The following LEMD1 variants were observed in gnomAD, a reference collection of about 807,000 sequenced individuals.
LEMD1 encodes the protein LEM domain-containing protein 1.
LEMD1 carries 18 observed loss-of-function variants against 17.4 expected under a neutral mutation model. The observed-to-expected ratio is 1.04, with a 90% CI of 0.72 to 1.54. The LOEUF (loss-of-function observed/expected upper bound fraction) is 1.54. LEMD1 is among the 40% of genes most tolerant of loss of function. The pLI is 0.00. For missense variants in LEMD1, 195 were observed against 210.4 expected (o/e 0.93, Z 0.45); for synonymous variants, 88 against 77.8 (o/e 1.13, Z -0.69).
chr1:205,440,443 G>C (rs147490065), intron 1 of LEMD1, among the ~76,000 whole-genome samples: 3 of 152,186 alleles, frequency 2.0e-5, no homozygotes, highest in Non-Finnish European at 4.4e-5. Context: ...AATCCCAGGA[G>C]AGTCTCACAC....
rs536442320 is a variant in LEMD1 at position 205,406,678 on chromosome 1, C to T, written c.270+9554G>A. On this transcript the variant is annotated intron_variant, in intron 4 of 5. Coordinates refer to ENST00000367153, the MANE Select transcript of LEMD1 (RefSeq NM_001199050.2). ...GCTTCCAGAGTGAGGCAATGCCTCA[C>T]CCTGCTTTGGCTCGCACATGGTGCG... 1.2e-3 allele frequency among the ~76,000 whole-genome samples: 177 copies of T among 152,340 alleles called. 2 individuals are homozygous for T. Among genetic ancestry groups the T allele is most frequent in the Middle Eastern group, 6.8e-3 (2 of 294 alleles).
At chr1:205,401,088 G>T (rs577230391) in intron 4 of LEMD1, among the ~76,000 whole-genome samples, 331 of 151,264 alleles carry the variant, frequency 2.2e-3, no homozygotes, top group African/African-American at 7.9e-3. Flanking sequence ...TCTTAATCCA[G>T]TCTATCATTG....
At chr1:205,431,844 G>A (rs187051747) in intron 1 of LEMD1, among the ~76,000 whole-genome samples, 553 of 152,268 alleles carry the variant, frequency 3.6e-3, no homozygotes, top group South Asian at 0.011. Context: ...AGCCTCCAGA[G>A]TAGCTGGGAC....
intron 5 of LEMD1, among the ~76,000 whole-genome samples, chr1:205,383,619 CT>C (rs147921976): frequency 0.27 from 38,287 of 142,108 alleles, 5,222 homozygotes; most frequent in African/African-American, 0.37. Context: ...TATTTATATC[CT>C]TTTTTTTTTT....
At position 205,448,699 on chromosome 1, in the gene LEMD1, C is replaced by A. The variant is rs926261944; in HGVS notation, c.-39+1169G>T. Among the ~76,000 whole-genome samples, 1 of 152,136 alleles carries A rather than the reference C, an allele frequency of 6.6e-6. No homozygotes were observed. Among genetic ancestry groups the A allele is most frequent in the Non-Finnish European group, 1.5e-5 (1 of 68,032 alleles). On this transcript the variant is annotated intron_variant, in intron 1 of 3. Coordinates refer to the LEMD1 transcript ENST00000367154. The surrounding 1 kb of genome is among the most constrained non-coding windows in gnomAD (Gnocchi z 4.7). ...TCAAATTCCCTTAATTAGCTTCCAG[C>A]CCCCTGCCCAGGGTCCTTAACTACC... is the stretch of plus-strand genomic sequence containing the variant.
intron 1 of LEMD1, 59 bp from the exon 2 acceptor site, chr1:205,420,633 T>C (rs1665920030): frequency 1.1e-6 from 1 of 922,834 alleles, no homozygotes; most frequent in Non-Finnish European, 1.8e-6. Context: ...TACTAAAATG[T>C]TACCAATCCA....
chr1:205,384,707 A>G (rs1056904352), intron 4 of LEMD1, among the ~76,000 whole-genome samples: 12 of 152,202 alleles, frequency 7.9e-5, no homozygotes, highest in Admixed American at 7.2e-4. Context: ...ATGAGCATGC[A>G]TCATTTTCTA....
At chr1:205,425,687 A>T (rs1050958694), upstream of LEMD1, among the ~76,000 whole-genome samples, 2 of 152,202 alleles carry the variant, frequency 1.3e-5, no homozygotes, top group African/African-American at 2.4e-5. Flanking sequence ...ACTCAAATGC[A>T]GTGAAGGTTC....
chr1:205,391,546 CCCCTACTAGCCAAGATGCA>C (rs1215718464), intron 4 of LEMD1, among the ~76,000 whole-genome samples: 3 of 152,194 alleles, frequency 2.0e-5, no homozygotes, highest in Non-Finnish European at 4.4e-5. Context: ...CCCATCTCCG[CCCCTACTAGCCAAGATGCA>C]TGAGAAGCCT....
At chr1:205,442,161 C>T (rs1212768116) in intron 1 of LEMD1, among the ~76,000 whole-genome samples, 2 of 152,126 alleles carry the variant, frequency 1.3e-5, no homozygotes. Context: ...GGAGGTCAGG[C>T]CGGGGCCTGG....
At chr1:205,443,843 C>A (rs924474236) in intron 1 of LEMD1, among the ~76,000 whole-genome samples, 1 of 152,186 alleles carries the variant, frequency 6.6e-6, no homozygotes, top group African/African-American at 2.4e-5. Flanking sequence ...CGTATCCCTG[C>A]CCGCTGTGAA....
rs573166367 is a variant in LEMD1, at chr1:205,432,398, C to G, written c.-38-11824G>C. On this transcript the variant is annotated intron_variant, in intron 1 of 3. Coordinates refer to the LEMD1 transcript ENST00000367154. ...GCTCTTTCCCCTCATCCTAACAAAA[C>G]CTGCTCCAAGAGGGAATCTGAGGTA... Among the ~76,000 whole-genome samples the G allele has an allele frequency of 3.7e-4, 56 of 152,328 alleles. 3 individuals carry two copies. The South Asian group carries it at 0.012, about 32-fold the overall frequency.
intron 4 of LEMD1, among the ~76,000 whole-genome samples, chr1:205,395,150 C>T (rs1416077082): frequency 1.3e-5 from 2 of 151,896 alleles, no homozygotes; most frequent in Non-Finnish European, 2.9e-5. Context: ...ATGATGTCTG[C>T]AGTTGGATCT....
chr1:205,438,567 T>C (rs1235123046), intron 1 of LEMD1, among the ~76,000 whole-genome samples: 1 of 152,220 alleles, frequency 6.6e-6, no homozygotes, highest in Non-Finnish European at 1.5e-5. Flanking sequence ...GTCCCCATTT[T>C]CCTGAGAAGG....
chr1:205,444,791 CAAG>C (rs973711052), intron 1 of LEMD1, among the ~76,000 whole-genome samples: 4 of 152,040 alleles, frequency 2.6e-5, no homozygotes, highest in Admixed American at 1.3e-4. Context: ...CTCTGATAAA[CAAG>C]AAGAGGGATA....
intron 4 of LEMD1, among the ~76,000 whole-genome samples, chr1:205,406,116 G>A (rs1665086724): frequency 6.6e-6 from 1 of 152,196 alleles, no homozygotes; most frequent in Non-Finnish European, 1.5e-5. Flanking sequence ...TGCCCCTACT[G>A]GGGGGTGCCT....
At chr1:205,413,695 C>T (rs1665561498) in intron 4 of LEMD1, among the ~76,000 whole-genome samples, 1 of 148,958 alleles carries the variant, frequency 6.7e-6, no homozygotes, top group South Asian at 2.1e-4. Flanking sequence ...CTCTGTCACC[C>T]AAGCTGGAGT....
intron 3 of LEMD1, among the ~76,000 whole-genome samples, chr1:205,417,796 A>G (rs1181464751): frequency 6.7e-6 from 1 of 150,324 alleles, no homozygotes; most frequent in East Asian, 2.0e-4. Context: ...AATTTGAACT[A>G]TATGATATTG....
chr1:205,411,653 G>GGAAAGAAAGAAAGAAAGAAAGGAAA (rs71147742), intron 4 of LEMD1, among the ~76,000 whole-genome samples: 1 of 138,544 alleles, frequency 7.2e-6, no homozygotes, highest in Non-Finnish European at 1.5e-5. Context: ...GAGAAAGAAA[G>GGAAAGAAAGAAAGAAAGAAAGGAAA]GAAAGAAAGA....
Sources: allele counts gnomAD v4.1 joint callset (sites outside exome capture counted in the v4.1 genomes callset), GRCh38; gene constraint gnomAD v4.1.1; non-coding constraint Gnocchi (gnomAD v3.1); transcripts MANE v1.5; gene names NCBI Gene and HGNC (gene_info 2026-07-23, HGNC 2026-07-21).